The following DLGAP2 variants were observed in gnomAD, a reference collection of about 807,000 sequenced individuals.
DLGAP2 encodes DLG associated protein 2.
A neutral mutation model predicts 100.3 loss-of-function variants in DLGAP2; 26 were observed. That is an observed-to-expected ratio of 0.26 (90% CI 0.19 to 0.36). DLGAP2 has a LOEUF of 0.36. DLGAP2 is among the 10% of genes least tolerant of loss of function. The probability of loss-of-function intolerance (pLI) is 1.00; values close to 1 mark genes in which losing one functional copy is unlikely to be tolerated. For synonymous variants in DLGAP2, 886 were observed against 630.1 expected (o/e 1.41, Z -6.08); for missense variants, 1,858 against 1,453.2 (o/e 1.28, Z -4.53).
chr8:819,669 G>A (rs989008789), intron 1 of DLGAP2, among the ~76,000 whole-genome samples: 1 of 152,158 alleles, frequency 6.6e-6, no homozygotes, highest in African/African-American at 2.4e-5. Context: ...ACAGAGTAGT[G>A]GAAAAGTAGG....
At chr8:1,685,271 C>A (rs1023030344) in intron 12 of DLGAP2, among the ~76,000 whole-genome samples, 1 of 152,216 alleles carries the variant, frequency 6.6e-6, no homozygotes, top group African/African-American at 2.4e-5. Context: ...GACATGGCCA[C>A]AGAGAACTGT....
chr8:823,075 C>T (rs1014317827), intron 1 of DLGAP2, among the ~76,000 whole-genome samples: 7 of 152,010 alleles, frequency 4.6e-5, no homozygotes, highest in African/African-American at 1.5e-4. Context: ...ATGTTGCTGC[C>T]ACTGCCTGTC....
rs1454283554 is a variant in DLGAP2 at position 1,687,576 on chromosome 8, T to G, written c.2705-3959T>G. On this transcript the variant is annotated intron_variant, in intron 12 of 14. Transcript: ENST00000637795. The stretch of plus-strand genomic sequence containing the variant: ...TAGCAGGCATGTCATTAGCTACACT[T>G]TTTGACATTCATTATCTCTCCCTAG... Among the ~76,000 whole-genome samples the G allele has an allele frequency of 2.6e-5, 4 of 152,224 alleles. No homozygotes were observed. The East Asian group carries it at 7.7e-4, about 29-fold the overall frequency.
chr8:763,267 AT>A (rs1368084248), intron 1 of DLGAP2, among the ~76,000 whole-genome samples: 1 of 152,196 alleles, frequency 6.6e-6, no homozygotes, highest in Non-Finnish European at 1.5e-5. Context: ...CTACTGCTGT[AT>A]TTATTGAGAA....
chr8:949,863 G>T (rs1003310390), intron 2 of DLGAP2, among the ~76,000 whole-genome samples: 1 of 152,200 alleles, frequency 6.6e-6, no homozygotes, highest in Admixed American at 6.5e-5. Context: ...TAATGGAACC[G>T]GCGCTTTTCT....
At chr8:1,062,828 G>A (rs535730453) in intron 2 of DLGAP2, among the ~76,000 whole-genome samples, 1 of 152,138 alleles carries the variant, frequency 6.6e-6, no homozygotes, top group Non-Finnish European at 1.5e-5. Context: ...CCAGAACTAC[G>A]GTGCTGTAAT....
intron 1 of DLGAP2, among the ~76,000 whole-genome samples, chr8:818,653 A>G (rs1172584825): frequency 6.6e-6 from 1 of 152,214 alleles, no homozygotes; most frequent in African/African-American, 2.4e-5. Context: ...CCTATCTGTC[A>G]TCTTAATCCT....
At chr8:826,320 C>T (rs910781756) in intron 1 of DLGAP2, among the ~76,000 whole-genome samples, 1 of 152,168 alleles carries the variant, frequency 6.6e-6, no homozygotes, top group African/African-American at 2.4e-5. Flanking sequence ...GTCCTGATTT[C>T]CTTCCTTTTG....
chr8:1,223,467 C>G (rs1398940805), intron 2 of DLGAP2, among the ~76,000 whole-genome samples: 1 of 152,188 alleles, frequency 6.6e-6, no homozygotes, highest in Non-Finnish European at 1.5e-5. Flanking sequence ...GATGACATTT[C>G]TCTTTCTTCT....
chr8:1,083,563 A>G (rs1477625383), intron 2 of DLGAP2, among the ~76,000 whole-genome samples: 1 of 152,204 alleles, frequency 6.6e-6, no homozygotes, highest in Non-Finnish European at 1.5e-5. Flanking sequence ...TATTTTAAGT[A>G]TGAATTTAGT....
intron 7 of DLGAP2, among the ~76,000 whole-genome samples, chr8:1,631,986 A>G (rs1797658491): frequency 6.6e-6 from 1 of 152,112 alleles, no homozygotes; most frequent in Non-Finnish European, 1.5e-5. Context: ...AACATAATCC[A>G]GGGGGTTCAG....
intron 2 of DLGAP2, among the ~76,000 whole-genome samples, chr8:970,599 C>T (rs937095138): frequency 1.3e-5 from 2 of 152,198 alleles, no homozygotes; most frequent in African/African-American, 2.4e-5. Flanking sequence ...GAGAATAACA[C>T]TATATTGTTT....
intron 3 of DLGAP2, among the ~76,000 whole-genome samples, chr8:1,292,698 A>G (rs1164793405): frequency 6.6e-6 from 1 of 152,106 alleles, no homozygotes; most frequent in East Asian, 1.9e-4. Context: ...GGTCGCGTGG[A>G]TGGGGCTTTA....
chr8:1,310,212 C>T (rs893157987), intron 3 of DLGAP2, among the ~76,000 whole-genome samples: 1 of 151,612 alleles, frequency 6.6e-6, no homozygotes, highest in African/African-American at 2.4e-5. Context: ...AAAGGGAAAT[C>T]AAAACAGTTA....
chr8:1,174,013 C>A (rs1797194416), intron 2 of DLGAP2, among the ~76,000 whole-genome samples: 1 of 152,128 alleles, frequency 6.6e-6, no homozygotes, highest in Admixed American at 6.6e-5. Context: ...TCCTATTTGG[C>A]CATCTTGGCT....
chr8:1,253,278 T>G (rs917367335), intron 2 of DLGAP2, among the ~76,000 whole-genome samples: 3 of 152,176 alleles, frequency 2.0e-5, no homozygotes, highest in Admixed American at 2.0e-4. Flanking sequence ...TTCCTGTGTG[T>G]GCCCTTTCTT....
In DLGAP2 at chr8:1,210,077, G is replaced by A. The variant is rs1371791400; in HGVS notation, c.74-48774G>A. ...ACAACCCCTGAGCCTAAGAGCCTGT[G>A]ATTGACTTAATCCCAGGTAGGGTGG... On this transcript the variant is annotated intron_variant, in intron 2 of 14. Transcript: ENST00000637795. 2.0e-5 allele frequency among the ~76,000 whole-genome samples: 3 copies of A among 152,212 alleles called. No homozygotes were observed. The East Asian group carries it at 5.8e-4, about 29-fold the overall frequency.
intron 2 of DLGAP2, among the ~76,000 whole-genome samples, chr8:1,120,176 G>T (rs1796001809): frequency 6.6e-6 from 1 of 152,130 alleles, no homozygotes; most frequent in Admixed American, 6.5e-5. Flanking sequence ...TAAGGGTTCA[G>T]CCCCTTCATT....
intron 2 of DLGAP2, among the ~76,000 whole-genome samples, chr8:1,027,703 G>C (rs1397015397): frequency 1.4e-5 from 2 of 143,214 alleles, no homozygotes; most frequent in Non-Finnish European, 3.0e-5. Context: ...TATTCTCCAG[G>C]TGGGGTGTCA....
Sources: allele counts gnomAD v4.1 joint callset (sites outside exome capture counted in the v4.1 genomes callset), GRCh38; gene constraint gnomAD v4.1.1; transcripts MANE v1.5; gene names NCBI Gene and HGNC (gene_info 2026-07-23, HGNC 2026-07-21).